The following SMG9 variants were observed in gnomAD, a reference collection of about 807,000 sequenced individuals.
SMG9 encodes nonsense-mediated mRNA decay factor SMG9.
In SMG9, 55 loss-of-function variants were observed where a neutral mutation model predicts 64.0. That is an observed-to-expected ratio of 0.86 (90% CI 0.69 to 1.08). SMG9 has a LOEUF of 1.08. Ranked by LOEUF, SMG9 falls within the 50% of genes least tolerant of loss-of-function variation. The pLI, the probability that SMG9 is intolerant of heterozygous loss-of-function variation, is 0.00. For synonymous variants in SMG9, 244 were observed against 254.8 expected (o/e 0.96, Z 0.41); for missense variants, 554 against 681.3 (o/e 0.81, Z 2.08).
chr19:43,729,378 C>T lies in SMG9; in HGVS notation c.*2218G>A, dbSNP rs1308828968. ...CAAGAGTGTGCTGATTCAGACCTTC[C>T]TTGGCAACACTGACCACAAGATCAC... On this transcript the variant is annotated 3_prime_UTR_variant, in exon 14 of 14. Coordinates refer to ENST00000270066, the MANE Select transcript of SMG9 (RefSeq NM_019108.4). 6.6e-6 allele frequency: 1 copy of T among 152,242 alleles called. No individual in the cohort carries two copies. The highest frequency in any genetic ancestry group is 1.5e-5 in the Non-Finnish European group (1 of 68,068). The allele number at this position is 152,242 out of a possible 1,614,324, so 9.4% of individuals were successfully genotyped here.
intron 7 of SMG9, chr19:43,739,758 C>T (rs1348888498): frequency 1.1e-5 from 3 of 282,294 alleles, no homozygotes; most frequent in African/African-American, 6.6e-5. Flanking sequence ...CAGTTACCAT[C>T]CCTATTTACA....
chr19:43,752,178 G>T (rs532968333), intron 1 of SMG9, among the ~76,000 whole-genome samples: 1 of 152,136 alleles, frequency 6.6e-6, no homozygotes, highest in Non-Finnish European at 1.5e-5. Flanking sequence ...CGTTCCTGAC[G>T]GTCTGCCTTC....
intron 5 of SMG9, 115 bp downstream of exon 5, chr19:43,747,325 CCT>C: frequency 6.7e-6 from 6 of 893,398 alleles, no homozygotes; most frequent in Non-Finnish European, 1.1e-5. Context: ...GATACCACCC[CCT>C]CTCACTGCTG....
chr19:43,730,699 G>GT lies in SMG9; in HGVS notation c.*896_*897insA, dbSNP rs1483726027. The stretch of plus-strand genomic sequence containing the variant: ...CCACCTCAGCCTCCCAAGTAGCTAG[G>GT]ATTACAGGCGTGCGCCACCACGCCC... On this transcript the variant is annotated 3_prime_UTR_variant, in exon 14 of 14. Coordinates refer to ENST00000270066, the MANE Select transcript of SMG9 (RefSeq NM_019108.4). The GT allele has an allele frequency of 2.6e-5, 4 of 152,222 alleles. No individual in the cohort carries two copies. Among genetic ancestry groups the GT allele is most frequent in the Non-Finnish European group, 5.9e-5 (4 of 68,108 alleles). The allele number at this position is 152,222 out of a possible 1,614,324, so 9.4% of individuals were successfully genotyped here.
chr19:43,754,496 C>G (rs1969290984), intron 1 of SMG9, 158 bp downstream of exon 1: 1 of 152,224 alleles, frequency 6.6e-6, no homozygotes, highest in Non-Finnish European at 1.5e-5. Flanking sequence ...TTCCTGCCAA[C>G]CCAGTATCGA....
At position 43,734,433 on chromosome 19, in the gene SMG9, C is replaced by T. The variant is rs1224670184; in HGVS notation, c.1058G>A (p.Ser353Asn). ...GGTGCCTTCATCGGAGCCCGATGAG[C>T]TGCTGGACTCGTGGCTGGGGGATGG... ...STPSPSHESS[S>N]SSGSDEGTEY... Residue 353 changes from serine (S) to asparagine (N), a missense_variant, in exon 10 of 14, where the codon AGC (serine) becomes AAC (asparagine). Ser to Asn is a conservative substitution (Grantham distance 46). Coordinates refer to ENST00000270066, the MANE Select transcript of SMG9 (RefSeq NM_019108.4). 6 of 1,563,068 alleles carry T rather than the reference C, an allele frequency of 3.8e-6. No homozygotes were observed. Among genetic ancestry groups the T allele is most frequent in the Non-Finnish European group, 5.2e-6 (6 of 1,152,808 alleles).
intron 12 of SMG9, 137 bp downstream of exon 12, chr19:43,733,184 ATCT>A (rs1346179950): frequency 1.1e-5 from 15 of 1,368,550 alleles, no homozygotes; most frequent in Non-Finnish European, 1.4e-5. Flanking sequence ...ACAAACCAGG[ATCT>A]TCTCTCAGAC....
chr19:43,739,523 T>C (rs538009913), intron 7 of SMG9: 1 of 153,498 alleles, frequency 6.5e-6, no homozygotes, highest in South Asian at 2.0e-4. Context: ...GAGGCGAGGA[T>C]AGGCAGTCTG....
At chr19:43,752,447 G>T (rs1480425589) in intron 1 of SMG9, among the ~76,000 whole-genome samples, 1 of 152,246 alleles carries the variant, frequency 6.6e-6, no homozygotes, top group African/African-American at 2.4e-5. Flanking sequence ...AATCTGGTCT[G>T]CTTTCTGTTT....
chr19:43,747,007 G>T (rs1969032612), intron 5 of SMG9, among the ~76,000 whole-genome samples: 1 of 152,000 alleles, frequency 6.6e-6, no homozygotes, highest in Non-Finnish European at 1.5e-5. Context: ...TGGTAGAAAT[G>T]GAGTATTCCT....
At chr19:43,734,785 A>C (rs775473932) in intron 9 of SMG9, 95 of 282,776 alleles carry the variant, frequency 3.4e-4, no homozygotes, top group Non-Finnish European at 5.1e-4. Flanking sequence ...GAAAGCACGT[A>C]GCGTTCCCAC....
At chr19:43,747,594 C>T (rs1334620156) in intron 4 of SMG9, 39 bp downstream of exon 4, 30 of 1,613,924 alleles carry the variant, frequency 1.9e-5, no homozygotes, top group East Asian at 4.5e-5. Context: ...TGTGAGGAGA[C>T]GCCAGTTCCC....
intron 6 of SMG9, among the ~76,000 whole-genome samples, chr19:43,741,047 A>C (rs763975611): frequency 5.9e-5 from 9 of 152,186 alleles, no homozygotes; most frequent in Admixed American, 2.6e-4. Flanking sequence ...CTTTACAAAC[A>C]CTATACGGAA....
chr19:43,740,868 G>A (rs1292393102), intron 6 of SMG9, among the ~76,000 whole-genome samples: 2 of 152,132 alleles, frequency 1.3e-5, no homozygotes, highest in African/African-American at 2.4e-5. Flanking sequence ...GAGCAGGGCC[G>A]TGCCCTAAAC....
rs1001353120 is a variant in SMG9, at chr19:43,733,325, T to G, written c.1338A>C (p.Ala446=). Residue 446 remains alanine, a splice_region_variant and synonymous_variant, in exon 12 of 14, where the codon GCA becomes GCC. Transcript: ENST00000270066. ...SEAESENPPR[A]GPGSSPLFSL... ...TGAACCTGTTGAGGGTAACTGTACC[T>G]GCTCTTGGTGGGTTTTCACTCTCTG... The G allele has an allele frequency of 1.2e-6, 2 of 1,613,996 alleles. No homozygotes were observed. Among genetic ancestry groups the G allele is most frequent in the East Asian group, 4.5e-5 (2 of 44,884 alleles).
chr19:43,747,382 G>A lies in SMG9; in HGVS notation c.588+60C>T, dbSNP rs146138100. 1.7e-3 allele frequency: 2,673 copies of A among 1,543,304 alleles called. 36 individuals are homozygous for A. In the African/African-American group the frequency reaches 0.031, roughly 18 times the overall value. ...CCAGTCTGGTGTTGCCTACAGAGAG[G>A]TGGAAGATCAGAGGATGCAGGATGT... On this transcript the variant is annotated intron_variant, in intron 5 of 13. Coordinates refer to ENST00000270066, the MANE Select transcript of SMG9 (RefSeq NM_019108.4).
At chr19:43,741,830 G>C (rs1968854327) in intron 6 of SMG9, among the ~76,000 whole-genome samples, 1 of 152,082 alleles carries the variant, frequency 6.6e-6, no homozygotes, top group Admixed American at 6.6e-5. Context: ...GGGCAACACA[G>C]CAAGACCTCA....
At chr19:43,737,525 T>C (rs1968708315) in intron 9 of SMG9, 72 bp downstream of exon 9, 3 of 1,362,060 alleles carry the variant, frequency 2.2e-6, no homozygotes, top group Non-Finnish European at 3.1e-6. Context: ...CTTGAGTCAG[T>C]GGCTCAAGTC....
chr19:43,752,845 G>A (rs569096227), intron 1 of SMG9, among the ~76,000 whole-genome samples: 7 of 146,872 alleles, frequency 4.8e-5, no homozygotes, highest in Admixed American at 2.7e-4. Context: ...GGTCAAGGCT[G>A]CCATGATCAT....
Sources: gnomAD v4.1 joint callset for allele counts (sites outside exome capture counted in the v4.1 genomes callset) on GRCh38, gnomAD v4.1.1 for gene constraint, MANE v1.5 for transcripts, NCBI Gene and HGNC (gene_info 2026-07-23, HGNC 2026-07-21) for gene names.